PARD3: variants seen among roughly 807,000 people sequenced by gnomAD.
PARD3 encodes the protein par-3 family cell polarity regulator.
A neutral mutation model predicts 155.4 loss-of-function variants in PARD3; 75 were observed. The observed-to-expected ratio is 0.48, with a 90% CI of 0.40 to 0.58. The LOEUF (loss-of-function observed/expected upper bound fraction) is 0.58, where lower values mean the gene tolerates loss of function less well. Ranked by LOEUF, PARD3 falls within the 20% of genes least tolerant of loss-of-function variation. The pLI is 0.00. For synonymous variants in PARD3, 576 were observed against 610.5 expected, an observed-to-expected ratio of 0.94 and a Z score of 0.83; for missense variants, 1,642 against 1,721.7, an observed-to-expected ratio of 0.95 and a Z score of 0.82.
chr10:34,159,067 C>A lies in PARD3; in HGVS notation c.3420-27484G>T, dbSNP rs186731323. Reference sequence around the variant, plus strand: ...GAACCAAACAACCACAGAGATTCAACTATGAAATGTATTCACTGGTAATAA... The same window carrying A: ...GAACCAAACAACCACAGAGATTCAAATATGAAATGTATTCACTGGTAATAA... On this transcript the variant is annotated intron_variant, in intron 22 of 24. Transcript: ENST00000374788. Among the ~76,000 whole-genome samples, 315 of 152,326 alleles carry A rather than the reference C, an allele frequency of 2.1e-3. 1 individual carries two copies. Among genetic ancestry groups the A allele is most frequent in the Non-Finnish European group, 3.8e-3 (257 of 68,032 alleles).
intron 1 of PARD3, among the ~76,000 whole-genome samples, chr10:34,799,430 G>A (rs1842639615): frequency 6.6e-6 from 1 of 152,046 alleles, no homozygotes; most frequent in Non-Finnish European, 1.5e-5. Flanking sequence ...AGTGCTGCTG[G>A]CCCAGAGGCC....
chr10:34,662,806 A>G, intron 2 of PARD3, among the ~76,000 whole-genome samples: 1 of 151,578 alleles, frequency 6.6e-6, no homozygotes, highest in South Asian at 2.1e-4. Flanking sequence ...TGGGAGACCA[A>G]TGTTGCAGTG....
intron 22 of PARD3, among the ~76,000 whole-genome samples, chr10:34,175,929 T>C (rs1158894159): frequency 6.6e-6 from 1 of 152,220 alleles, no homozygotes; most frequent in Non-Finnish European, 1.5e-5. Context: ...ATCTCTTCCC[T>C]TCTTACTGAA....
chr10:34,556,508 G>C (rs1012698106), intron 2 of PARD3, among the ~76,000 whole-genome samples: 7 of 151,668 alleles, frequency 4.6e-5, no homozygotes, highest in African/African-American at 1.7e-4. Flanking sequence ...TCAGCCTCCA[G>C]AGTAGCTGGG....
intron 2 of PARD3, among the ~76,000 whole-genome samples, chr10:34,679,624 A>G (rs1449629527): frequency 2.0e-5 from 3 of 152,178 alleles, no homozygotes; most frequent in Non-Finnish European, 4.4e-5. Context: ...AAGCATTACG[A>G]ATTAGGAGTC....
chr10:34,386,974 C>T (rs559401243), intron 7 of PARD3, among the ~76,000 whole-genome samples: 22 of 152,146 alleles, frequency 1.4e-4, no homozygotes, highest in African/African-American at 2.4e-4. Context: ...TTGAAGGAAA[C>T]GATGTCTCAG....
At chr10:34,617,180 G>A (rs908453024) in intron 2 of PARD3, among the ~76,000 whole-genome samples, 1 of 151,824 alleles carries the variant, frequency 6.6e-6, no homozygotes, top group Non-Finnish European at 1.5e-5. Flanking sequence ...ACTTGAACAC[G>A]GGAGGTGGAG....
intron 19 of PARD3, among the ~76,000 whole-genome samples, chr10:34,328,593 C>T (rs1835291785): frequency 6.6e-6 from 1 of 152,188 alleles, no homozygotes; most frequent in Non-Finnish European, 1.5e-5. Context: ...GCCTTTCCCA[C>T]TCTCCAAACC....
intron 2 of PARD3, among the ~76,000 whole-genome samples, chr10:34,651,563 A>AGAGG (rs2093014682): frequency 6.6e-6 from 1 of 152,206 alleles, no homozygotes; most frequent in Non-Finnish European, 1.5e-5. Flanking sequence ...CAGTCCCTGA[A>AGAGG]GAGGGGCTTG....
At chr10:34,573,754 C>A (rs989833804) in intron 2 of PARD3, among the ~76,000 whole-genome samples, 13 of 149,444 alleles carry the variant, frequency 8.7e-5, no homozygotes, top group African/African-American at 2.7e-4. Flanking sequence ...CACACACACA[C>A]ACACACACAC....
chr10:34,653,624 A>C (rs2093079837), intron 2 of PARD3, among the ~76,000 whole-genome samples: 1 of 152,060 alleles, frequency 6.6e-6, no homozygotes, highest in Non-Finnish European at 1.5e-5. Context: ...TTTATATAAA[A>C]ATGCATTTGA....
At chr10:34,701,465 C>T (rs772284762) in intron 1 of PARD3, among the ~76,000 whole-genome samples, 10 of 151,812 alleles carry the variant, frequency 6.6e-5, no homozygotes, top group African/African-American at 1.5e-4. Flanking sequence ...GGCCCAGAGG[C>T]GACACATTTT....
chr10:34,308,021 G>A (rs959724737), intron 20 of PARD3, among the ~76,000 whole-genome samples: 2 of 152,116 alleles, frequency 1.3e-5, no homozygotes, highest in African/African-American at 4.8e-5. Context: ...AGATGTTAAA[G>A]GTACAAGAGT....
chr10:34,235,129 T>G (rs181574815), intron 22 of PARD3, among the ~76,000 whole-genome samples: 1 of 152,340 alleles, frequency 6.6e-6, no homozygotes, highest in Admixed American at 6.5e-5. Flanking sequence ...ATTACTAATT[T>G]AGTTAGGTCT....
intron 1 of PARD3, among the ~76,000 whole-genome samples, chr10:34,744,570 T>C (rs1835069058): frequency 6.6e-6 from 1 of 152,204 alleles, no homozygotes; most frequent in African/African-American, 2.4e-5. Context: ...CTGGAATCTC[T>C]TGATTTAACT....
intron 20 of PARD3, among the ~76,000 whole-genome samples, chr10:34,307,567 T>G (rs1957476143): frequency 6.6e-6 from 1 of 152,146 alleles, no homozygotes; most frequent in Admixed American, 6.5e-5. Context: ...ACCTTATGAC[T>G]TAGTGCTATA....
At chr10:34,455,786 C>T (rs1436734) in intron 4 of PARD3, among the ~76,000 whole-genome samples, 8,414 of 152,088 alleles carry the variant, frequency 0.055, 780 homozygotes, top group African/African-American at 0.19. Context: ...ATCATTTACC[C>T]TAGGTGCATG....
Position 34,229,661 on chromosome 10 carries a change from C to CGTGTGTGTGTGT in PARD3, c.3419+39984_3419+39995dup, listed in dbSNP as rs57319517. ...CATAATTCTTCTCTAGTTGAGGGTGCGTGTGTGTGTGTGTGTGTGTGTGTG... is the reference window on the plus strand; with the variant it reads ...CATAATTCTTCTCTAGTTGAGGGTGCGTGTGTGTGTGTGTGTGTGTGTGTGTGTGTGTGTGTG... On this transcript the variant is annotated intron_variant, in intron 22 of 24. Coordinates refer to ENST00000374788, the MANE Select transcript of PARD3 (RefSeq NM_001184785.2). Among the ~76,000 whole-genome samples, 284 of 145,736 alleles carry CGTGTGTGTGTGT rather than the reference C, an allele frequency of 1.9e-3. 2 individuals carry two copies. The highest frequency in any genetic ancestry group is 6.2e-3 in the African/African-American group (251 of 40,464).
At chr10:34,137,591 T>C (rs535082170) in intron 22 of PARD3, among the ~76,000 whole-genome samples, 157 of 152,380 alleles carry the variant, frequency 1.0e-3, no homozygotes, top group African/African-American at 3.4e-3. Context: ...GTTGTTGGCC[T>C]TGGCCATGTG....
Sources: gnomAD v4.1 joint callset for allele counts (sites outside exome capture counted in the v4.1 genomes callset) on GRCh38, gnomAD v4.1.1 for gene constraint, MANE v1.5 for transcripts, NCBI Gene and HGNC (gene_info 2026-07-23, HGNC 2026-07-21) for gene names.